Variants in YME1L1 observed in about 807,000 individuals in gnomAD.
YME1L1 encodes the protein YME1 like 1 ATPase.
A neutral mutation model predicts 90.4 loss-of-function variants in YME1L1; 39 were observed. The ratio of observed to expected loss-of-function variants is 0.43; its 90% confidence interval spans 0.33 to 0.56. The LOEUF is 0.56. Among genes scored for constraint, YME1L1 ranks in the 20% least tolerant of loss-of-function variants. YME1L1 has a pLI of 0.03. For synonymous variants in YME1L1, 284 were observed against 287.3 expected (o/e 0.99, Z 0.12); for missense variants, 617 against 868.4 (o/e 0.71, Z 3.64).
At chr10:27,116,578 C>G (rs905754223) in intron 15 of YME1L1, among the ~76,000 whole-genome samples, 15 of 152,084 alleles carry the variant, frequency 9.9e-5, no homozygotes, top group African/African-American at 3.4e-4. Flanking sequence ...AGGCAGAAGA[C>G]TCACTTGAAG....
At position 27,111,063 on chromosome 10, in the gene YME1L1, A is replaced by T. The variant is rs550919429; in HGVS notation, c.*914T>A. 1.3e-5 allele frequency: 2 copies of T among 151,258 alleles called. No homozygotes were observed. Among genetic ancestry groups the T allele is most frequent in the Non-Finnish European group, 2.9e-5 (2 of 67,882 alleles). The allele number at this position is 151,258 out of a possible 1,614,324, so 9.4% of individuals were successfully genotyped here. On this transcript the variant is annotated 3_prime_UTR_variant, in exon 19 of 19. Transcript: ENST00000376016. ...TTTTTTTTGTATTTAAATTTATTTT[A>T]ATTTTTTTTTGAGGCAGAGTCTTGC...
intron 8 of YME1L1, among the ~76,000 whole-genome samples, chr10:27,130,715 T>C (rs2056967059): frequency 6.6e-6 from 1 of 152,074 alleles, no homozygotes; most frequent in Admixed American, 6.5e-5. Context: ...TAGCTGGGCG[T>C]GGTGGCTCGT....
intron 13 of YME1L1, among the ~76,000 whole-genome samples, chr10:27,119,879 G>A (rs2056849206): frequency 6.6e-6 from 1 of 151,408 alleles, no homozygotes; most frequent in Non-Finnish European, 1.5e-5. Flanking sequence ...GCTATTCTGA[G>A]CCATAGTTTA....
At chr10:27,113,672 CAAAAAAAAA>C (rs373714641) in intron 18 of YME1L1, among the ~76,000 whole-genome samples, 1 of 74,076 alleles carries the variant, frequency 1.3e-5, no homozygotes, top group Non-Finnish European at 2.8e-5. Context: ...AACTCTGTCT[CAAAAAAAAA>C]AAAAAAAGAA....
chr10:27,147,330 C>T (rs769232578), intron 2 of YME1L1: 258 of 1,275,468 alleles, frequency 2.0e-4, no homozygotes, highest in Non-Finnish European at 2.7e-4. Flanking sequence ...CCTGTCTTTA[C>T]AAAAAATTTA....
chr10:27,131,801 C>CATAT, intron 8 of YME1L1, 58 bp downstream of exon 8: 1 of 1,322,414 alleles, frequency 7.6e-7, no homozygotes, highest in South Asian at 1.3e-5. Context: ...ATATCGACCT[C>CATAT]ATATAGAGTA....
chr10:27,131,783 A>C, intron 8 of YME1L1, 76 bp downstream of exon 8: 1 of 1,110,150 alleles, frequency 9.0e-7, no homozygotes, highest in Non-Finnish European at 1.3e-6. Flanking sequence ...AATACACTGT[A>C]GAATCAAATA....
intron 3 of YME1L1, among the ~76,000 whole-genome samples, chr10:27,143,442 G>A (rs2057110806): frequency 6.6e-6 from 1 of 152,072 alleles, no homozygotes; most frequent in South Asian, 2.1e-4. Context: ...CCTCACGCCT[G>A]TAATCCCAGC....
intron 11 of YME1L1, 66 bp from the exon 12 acceptor site, chr10:27,121,514 T>G: frequency 1.7e-6 from 2 of 1,159,414 alleles, no homozygotes; most frequent in Non-Finnish European, 2.6e-6. Context: ...AGAAATGCTC[T>G]ACACAAAACT....
intron 18 of YME1L1, among the ~76,000 whole-genome samples, chr10:27,113,863 A>G (rs1253598784): frequency 2.0e-5 from 3 of 151,514 alleles, no homozygotes; most frequent in Admixed American, 2.0e-4. Context: ...AACCAACAAT[A>G]AAACACCTAC....
chr10:27,143,478 T>A (rs918864981), intron 3 of YME1L1, among the ~76,000 whole-genome samples: 2 of 151,578 alleles, frequency 1.3e-5, no homozygotes, highest in African/African-American at 4.8e-5. Context: ...GGCGGGCGGA[T>A]CACGAGGTCA....
At position 27,111,894 on chromosome 10, in the gene YME1L1, G is replaced by C. The variant is rs762144404; in HGVS notation, c.*83C>G. The C allele has an allele frequency of 2.0e-6, 3 of 1,508,254 alleles. No homozygotes were observed. Among genetic ancestry groups the C allele is most frequent in the Admixed American group, 1.7e-5 (1 of 59,878 alleles). The allele number at this position is 1,508,254 out of a possible 1,614,324, so 93.4% of individuals were successfully genotyped here. A position where few individuals can be genotyped will look rare whatever the true frequency, so the allele number is the denominator to read the frequency against. ...CAATTACACCACATCAAGAATGAGG[G>C]GAAAGCGTTGTAAAAGTAGACTACT... On this transcript the variant is annotated 3_prime_UTR_variant, in exon 19 of 19. Coordinates refer to ENST00000376016, the MANE Select transcript of YME1L1 (RefSeq NM_014263.4).
chr10:27,148,751 A>AATAGCAG (rs1554807937), intron 2 of YME1L1, among the ~76,000 whole-genome samples, 155 bp downstream of exon 2: 8 of 152,040 alleles, frequency 5.3e-5, no homozygotes, highest in African/African-American at 1.9e-4. Flanking sequence ...CTTCCTGGTC[A>AATAGCAG]ATAGTAGGGT....
At chr10:27,128,376 T>TA (rs2056941692) in intron 8 of YME1L1, among the ~76,000 whole-genome samples, 2 of 152,340 alleles carry the variant, frequency 1.3e-5, no homozygotes, top group South Asian at 4.1e-4. Flanking sequence ...GGATCTACCT[T>TA]AATTGTGATG....
At chr10:27,133,023 A>G (rs1253330292) in intron 7 of YME1L1, among the ~76,000 whole-genome samples, 6 of 152,192 alleles carry the variant, frequency 3.9e-5, no homozygotes, top group Admixed American at 3.9e-4. Context: ...AGGGCCCAGG[A>G]GAATTTTCAT....
chr10:27,138,684 C>G (rs1211665312), intron 4 of YME1L1, among the ~76,000 whole-genome samples: 1 of 151,922 alleles, frequency 6.6e-6, no homozygotes, highest in Admixed American at 6.6e-5. Flanking sequence ...ATTTCAACAG[C>G]CTTTTGGATG....
In YME1L1 at chr10:27,154,282, GC is replaced by G; in HGVS notation, c.-73del. 6.6e-7 allele frequency: 1 copy of G among 1,521,142 alleles called. No individual in the cohort carries two copies. Among genetic ancestry groups the G allele is most frequent in the Non-Finnish European group, 8.9e-7 (1 of 1,126,934 alleles). The allele number at this position is 1,521,142 out of a possible 1,614,324, so 94.2% of individuals were successfully genotyped here. A position where few individuals can be genotyped will look rare whatever the true frequency, so the allele number is the denominator to read the frequency against. ...CCTCTGTCCACGGCCCGGCGGGGAGGCGCTGAGCCCTTCTTTTTTCCTTTTT... is the reference window on the plus strand; with the variant it reads ...CCTCTGTCCACGGCCCGGCGGGGAGGGCTGAGCCCTTCTTTTTTCCTTTTT... On this transcript the variant is annotated 5_prime_UTR_variant, in exon 1 of 19. Coordinates refer to ENST00000376016, the MANE Select transcript of YME1L1 (RefSeq NM_014263.4).
At chr10:27,133,982 G>A (rs2057001168) in intron 7 of YME1L1, 57 bp downstream of exon 7, 3 of 1,211,038 alleles carry the variant, frequency 2.5e-6, no homozygotes. Context: ...GGCATTAAAA[G>A]GAATCATGTA....
At chr10:27,127,363 T>C (rs1297067727) in intron 8 of YME1L1, among the ~76,000 whole-genome samples, 1 of 152,156 alleles carries the variant, frequency 6.6e-6, no homozygotes, top group Non-Finnish European at 1.5e-5. Context: ...TTTAAAAAAA[T>C]ACAAAACAAA....
Sources: gnomAD v4.1 joint callset for allele counts (sites outside exome capture counted in the v4.1 genomes callset) on GRCh38, gnomAD v4.1.1 for gene constraint, MANE v1.5 for transcripts, NCBI Gene and HGNC (gene_info 2026-07-23, HGNC 2026-07-21) for gene names.